Variants in MAP4 observed in about 807,000 individuals in gnomAD.
MAP4 encodes the protein microtubule associated protein 4.
In MAP4, 76 loss-of-function variants were observed where a neutral mutation model predicts 170.2. The ratio of observed to expected loss-of-function variants is 0.45; its 90% CI spans 0.37 to 0.54. The LOEUF (loss-of-function observed/expected upper bound fraction) is 0.54, where lower values mean the gene tolerates loss of function less well. Among genes scored for constraint, MAP4 ranks in the 20% least tolerant of loss-of-function variants. The pLI is 0.00. For synonymous variants in MAP4, 909 were observed against 994.5 expected, an observed-to-expected ratio of 0.91 and a Z score of 1.62; for missense variants, 2,506 against 2,748.0, an observed-to-expected ratio of 0.91 and a Z score of 1.97.
chr3:48,004,771 T>C (rs1440885597), intron 1 of MAP4, among the ~76,000 whole-genome samples: 1 of 152,170 alleles, frequency 6.6e-6, no homozygotes, highest in Non-Finnish European at 1.5e-5. Context: ...ACTGAGTTTA[T>C]AAACTCTGGT....
intron 17 of MAP4, among the ~76,000 whole-genome samples, chr3:47,864,352 C>G (rs2075519475): frequency 6.6e-6 from 1 of 151,908 alleles, no homozygotes; most frequent in Admixed American, 6.6e-5. Context: ...ACCAGCCTGC[C>G]CAATATAGCA....
intron 3 of MAP4, among the ~76,000 whole-genome samples, chr3:47,934,626 C>T (rs759394311): frequency 5.3e-5 from 8 of 152,080 alleles, no homozygotes; most frequent in East Asian, 1.9e-4. Context: ...AATATTAGTG[C>T]GGCTCATAAT....
At chr3:48,024,525 G>T (rs574233189) in intron 1 of MAP4, among the ~76,000 whole-genome samples, 1 of 152,242 alleles carries the variant, frequency 6.6e-6, no homozygotes, top group East Asian at 1.9e-4. Flanking sequence ...AATTCTGCTT[G>T]CTGGTGCTCT....
chr3:47,974,695 T>A (rs1482415476), intron 3 of MAP4: 1 of 974,646 alleles, frequency 1.0e-6, no homozygotes, highest in Non-Finnish European at 1.2e-6. Flanking sequence ...AGCAATTAGT[T>A]TGAAAAAATT....
intron 1 of MAP4, among the ~76,000 whole-genome samples, chr3:48,063,730 GA>G (rs1014169815): frequency 4.0e-5 from 6 of 151,608 alleles, no homozygotes; most frequent in African/African-American, 1.5e-4. Context: ...ATTGCTAGGT[GA>G]AAAAAAAGCC....
chr3:47,862,964 TG>T, intron 17 of MAP4, among the ~76,000 whole-genome samples: 1 of 151,630 alleles, frequency 6.6e-6, no homozygotes, highest in Non-Finnish European at 1.5e-5. Context: ...AATAAAAAGT[TG>T]TTTTTTTTTT....
At chr3:47,860,937 A>C (rs534235186) in intron 17 of MAP4, among the ~76,000 whole-genome samples, 1 of 152,266 alleles carries the variant, frequency 6.6e-6, no homozygotes, top group South Asian at 2.1e-4. Flanking sequence ...TAAAAAAAAG[A>C]ATGAGCCAGG....
intron 1 of MAP4, among the ~76,000 whole-genome samples, chr3:48,023,936 A>G (rs749685197): frequency 3.3e-5 from 5 of 152,252 alleles, no homozygotes; most frequent in Non-Finnish European, 5.9e-5. Flanking sequence ...ACTCCTTCCA[A>G]GAAATTTGGA....
At chr3:47,861,083 G>A (rs1231668898) in intron 17 of MAP4, among the ~76,000 whole-genome samples, 1 of 152,070 alleles carries the variant, frequency 6.6e-6, no homozygotes, top group African/African-American at 2.4e-5. Flanking sequence ...AAGTTAGGCT[G>A]GGCGCAGTGG....
intron 2 of MAP4, among the ~76,000 whole-genome samples, chr3:47,994,948 C>CAAAAAA (rs765432631): frequency 1.2e-5 from 1 of 84,414 alleles, no homozygotes. Flanking sequence ...GACTCCATCT[C>CAAAAAA]AAAAAAAAAA....
At position 48,073,095 on chromosome 3, in the gene MAP4, A is replaced by G. The variant is rs556764620; in HGVS notation, c.-20+15678T>C. On this transcript the variant is annotated intron_variant, in intron 1 of 18. Transcript: ENST00000360240. ...AATGGTGGCACATGCCCGTAATCCCACCTACTCAGGAGGCTGAGGCAGGAG... is the reference window on the plus strand; with the variant it reads ...AATGGTGGCACATGCCCGTAATCCCGCCTACTCAGGAGGCTGAGGCAGGAG... Among the ~76,000 whole-genome samples the G allele has an allele frequency of 1.4e-4, 22 of 152,196 alleles. No individual in the cohort carries two copies. In the South Asian group the frequency reaches 3.7e-3, roughly 26 times the overall value.
At chr3:48,056,941 T>A (rs866333824) in intron 1 of MAP4, among the ~76,000 whole-genome samples, 1 of 58,332 alleles carries the variant, frequency 1.7e-5, no homozygotes, top group African/African-American at 8.1e-5. Flanking sequence ...AGGTGGGGGG[T>A]TCAGCCCCCC....
At chr3:47,944,634 CCTT>C (rs2100058558) in intron 3 of MAP4, among the ~76,000 whole-genome samples, 1 of 151,954 alleles carries the variant, frequency 6.6e-6, no homozygotes, top group Non-Finnish European at 1.5e-5. Flanking sequence ...CCCTTTATCA[CCTT>C]CTTGCCACCC....
chr3:47,997,240 A>T (rs1245853027), intron 2 of MAP4, among the ~76,000 whole-genome samples: 7 of 150,960 alleles, frequency 4.6e-5, no homozygotes, highest in South Asian at 4.2e-4. Flanking sequence ...TGACTTAACC[A>T]CTTCAAAAGC....
chr3:48,036,567 T>C (rs893896146), intron 1 of MAP4, among the ~76,000 whole-genome samples: 5 of 152,222 alleles, frequency 3.3e-5, no homozygotes, highest in African/African-American at 9.6e-5. Flanking sequence ...TGTATAGAGC[T>C]ATGGCCAAAT....
At chr3:47,913,262 G>A (rs2100036869) in intron 8 of MAP4, among the ~76,000 whole-genome samples, 1 of 152,138 alleles carries the variant, frequency 6.6e-6, no homozygotes, top group Non-Finnish European at 1.5e-5. Flanking sequence ...GCAGGTATAT[G>A]CCAGCTCCTG....
intron 1 of MAP4, among the ~76,000 whole-genome samples, chr3:48,003,089 T>G (rs1579119432): frequency 6.6e-6 from 1 of 151,932 alleles, no homozygotes; most frequent in African/African-American, 2.4e-5. Flanking sequence ...GCAAATTATG[T>G]CAAAGAAAGA....
At chr3:47,856,829 C>T (rs1003477092) in intron 18 of MAP4, among the ~76,000 whole-genome samples, 9 of 152,254 alleles carry the variant, frequency 5.9e-5, no homozygotes, top group Admixed American at 5.2e-4. Context: ...AGCAGTCCTA[C>T]TCACAAATCT....
intron 19 of MAP4, among the ~76,000 whole-genome samples, chr3:47,853,761 T>G (rs1322662473): frequency 7.1e-6 from 1 of 140,122 alleles, no homozygotes; most frequent in Non-Finnish European, 1.6e-5. Flanking sequence ...GGCCACCCCC[T>G]GCACACAGAG....
Sources: allele counts gnomAD v4.1 joint callset (sites outside exome capture counted in the v4.1 genomes callset), GRCh38; gene constraint gnomAD v4.1.1; transcripts MANE v1.5; gene names NCBI Gene and HGNC (gene_info 2026-07-23, HGNC 2026-07-21).